TMEM259: variants seen among roughly 807,000 people sequenced by gnomAD.
The protein encoded by TMEM259 is transmembrane protein 259, also known as membralin.
TMEM259 carries 26 observed loss-of-function variants against 46.7 expected under a neutral mutation model. That is an observed-to-expected ratio of 0.56 (90% CI 0.41 to 0.77). TMEM259 has a LOEUF of 0.77. Ranked by LOEUF, TMEM259 falls within the 30% of genes least tolerant of loss-of-function variation. TMEM259 has a pLI of 0.00. For missense variants in TMEM259, 930 were observed against 900.5 expected (o/e 1.03, Z -0.42); for synonymous variants, 494 against 395.1 (o/e 1.25, Z -2.97).
chr19:1,011,480 C>T lies in TMEM259; in HGVS notation c.1104G>A (p.Ser368=), dbSNP rs144540744. ...CGGTGGTGGTGTCGTTGAAGAACTC[C>T]GACATGATGGCCTCCATCCCTGCAG... The part of the protein sequence containing the change: ...LALVGMEAIM[S]EFFNDTTTAF... Residue 368 remains serine (S), a synonymous_variant, in exon 9 of 11, where the codon TCG becomes TCA. Coordinates refer to ENST00000356663, the MANE Select transcript of TMEM259 (RefSeq NM_001033026.2). 1.8e-4 allele frequency: 284 copies of T among 1,550,094 alleles called. 1 individual carries two copies. The African/African-American group carries it at 3.6e-3, about 20-fold the overall frequency.
chr19:1,014,336 G>A lies in TMEM259; in HGVS notation c.363C>T (p.Arg121=), dbSNP rs768127115. 13 of 1,612,938 alleles carry A rather than the reference G, an allele frequency of 8.1e-6. No homozygotes were observed. Among genetic ancestry groups the A allele is most frequent in the African/African-American group, 1.3e-5 (1 of 74,944 alleles). Residue 121 remains arginine (R), a synonymous_variant, in exon 2 of 11, where the codon CGC becomes CGT. Coordinates refer to ENST00000356663, the MANE Select transcript of TMEM259 (RefSeq NM_001033026.2). The stretch of plus-strand genomic sequence containing the variant: ...CACAGAACTGTAGGAAGACGGGCGC[G>A]CGGCTCGAGTTGTGCCGCACTTCCA... ...LRVEVRHNSS[R]APVFLQFCDS...
rs116349199 is a variant in TMEM259, at chr19:1,012,566, C to T, written c.615G>A (p.Pro205=). 107 of 1,581,864 alleles carry T rather than the reference C, an allele frequency of 6.8e-5. 1 individual carries two copies. The East Asian group carries it at 1.3e-3, about 19-fold the overall frequency. ...PFPETPTKVW[P]QDEYIVEYSL... ...AGTACTCCACGATGTACTCGTCCTG[C>T]GGCCACACTGCAGGGCAGAACCAGG... Residue 205 remains proline, a synonymous_variant, in exon 4 of 11, where the codon CCG becomes CCA. Transcript: ENST00000356663.
rs760478869 is a variant in TMEM259 at position 1,011,102 on chromosome 19, G to T, written c.1311C>A (p.Phe437Leu). Residue 437 changes from phenylalanine (F) to leucine (L), a missense_variant, in exon 10 of 11, where the codon TTC becomes TTA. Physicochemically the swap from Phe to Leu is conservative, Grantham distance 22. Coordinates refer to ENST00000356663, the MANE Select transcript of TMEM259 (RefSeq NM_001033026.2). ...SSLALVTSWLFIQHSMIYFFH... is the reference protein window; with the variant it reads ...SSLALVTSWLLIQHSMIYFFH... Reference sequence around the variant, plus strand: ...CTTGCCGCCCAGGCCTCACCTGGATGAAGAGCCAGGAGGTGACCAGGGCCA... The same window carrying T: ...CTTGCCGCCCAGGCCTCACCTGGATTAAGAGCCAGGAGGTGACCAGGGCCA... 1.9e-6 allele frequency: 3 copies of T among 1,591,094 alleles called. 1 individual carries two copies. The South Asian group carries it at 3.4e-5, about 18-fold the overall frequency.
intron 1 of TMEM259, chr19:1,017,478 G>C (rs1165498091): frequency 7.5e-6 from 3 of 398,842 alleles, no homozygotes; most frequent in Non-Finnish European, 1.3e-5. Context: ...CATCCCACTG[G>C]CTGTGGCTCA....
In TMEM259 at chr19:1,014,447, G is replaced by A; in HGVS notation, c.252C>T (p.Ala84=). ...LKALFVLFVL[A]YIHIVFSRSP... is the part of the protein sequence containing the mutation. ...AGCGGGAGAAGACGATGTGGATGTA[G>A]GCCAGGACGAAGAGCACAAACAGGG... is the stretch of plus-strand genomic sequence containing the variant. The change falls in exon 2 of 11, where the codon GCC becomes GCT. Residue 84 remains alanine (A), a synonymous_variant. Transcript: ENST00000356663. The A allele has an allele frequency of 6.2e-7, 1 of 1,611,132 alleles. No homozygotes were observed. The highest frequency in any genetic ancestry group is 8.5e-7 in the Non-Finnish European group (1 of 1,179,528).
Position 1,010,899 on chromosome 19 carries a change from C to T in TMEM259, c.1318-4G>A, listed in dbSNP as rs766014308. 1.1e-5 allele frequency: 13 copies of T among 1,230,110 alleles called. No individual in the cohort carries two copies. Among genetic ancestry groups the T allele is most frequent in the East Asian group, 5.0e-5 (2 of 40,274 alleles). The allele number at this position is 1,230,110 out of a possible 1,614,324, so 76.2% of individuals were successfully genotyped here. On this transcript the variant is annotated splice_region_variant and splice_polypyrimidine_tract_variant and intron_variant, in intron 10 of 10. Transcript: ENST00000356663. ...GGAAGAAGTAGATCATGGAATGCTG[C>T]GGGAGGGAGAGTGGGAGTCAGGACG...
intron 1 of TMEM259, among the ~76,000 whole-genome samples, chr19:1,019,016 C>A (rs1482647863): frequency 2.6e-5 from 4 of 151,426 alleles, no homozygotes; most frequent in African/African-American, 9.7e-5. Context: ...ATTCACCACC[C>A]AGAGATCTCA....
chr19:1,020,547 G>C lies in TMEM259; in HGVS notation c.225+225C>G, dbSNP rs1319294703. Among the ~76,000 whole-genome samples the C allele has an allele frequency of 6.6e-6, 1 of 152,148 alleles. No individual in the cohort carries two copies. Among genetic ancestry groups the C allele is most frequent in the Non-Finnish European group, 1.5e-5 (1 of 68,018 alleles). On this transcript the variant is annotated intron_variant, in intron 1 of 10. Coordinates refer to ENST00000356663, the MANE Select transcript of TMEM259 (RefSeq NM_001033026.2). This position sits in a 1 kb window ranked among gnomAD's most constrained non-coding sequence, Gnocchi z 4.0. ...GTGCAGCGGGATCCGGCCTTCCCGGGTGGACGTCCCCGGGCGGGATGGGGT... is the reference window on the plus strand; with the variant it reads ...GTGCAGCGGGATCCGGCCTTCCCGGCTGGACGTCCCCGGGCGGGATGGGGT...
chr19:1,017,344 C>T, intron 1 of TMEM259: 1 of 399,424 alleles, frequency 2.5e-6, no homozygotes. Flanking sequence ...ACTCGCATGC[C>T]CTGGGTGGTC....
chr19:1,010,673 C>G lies in TMEM259; in HGVS notation c.1540G>C (p.Gly514Arg). The G allele has an allele frequency of 6.5e-7, 1 of 1,534,502 alleles. No individual in the cohort carries two copies. The highest frequency in any genetic ancestry group is 8.7e-7 in the Non-Finnish European group (1 of 1,145,796). ...GAGCTGGGCGCCGCTGCCACAGGCCCGGGACTCCCGCTGGCCCCAGGCGAG... is the reference window on the plus strand; with the variant it reads ...GAGCTGGGCGCCGCTGCCACAGGCCGGGGACTCCCGCTGGCCCCAGGCGAG... ...PVSPGASGSP[G>R]PVAAAPSSLV... Residue 514 changes from glycine (G) to arginine (R), a missense_variant, in exon 11 of 11, where the codon GGG becomes CGG. Transcript: ENST00000356663.
chr19:1,014,000 C>A (rs1297187773), intron 2 of TMEM259, among the ~76,000 whole-genome samples, 192 bp downstream of exon 2: 3 of 152,206 alleles, frequency 2.0e-5, no homozygotes, highest in Admixed American at 6.5e-5. Context: ...AGCAGGGCGA[C>A]AGGCCGAGGG....
At position 1,010,202 on chromosome 19, in the gene TMEM259, C is replaced by A; in HGVS notation, c.*148G>T. The stretch of plus-strand genomic sequence containing the variant: ...CTCACACCAGGGGGAGGAAAGCCGC[C>A]TTCCGGGCAAACCCCACGAAACCCT... On this transcript the variant is annotated 3_prime_UTR_variant, in exon 11 of 11. Coordinates refer to ENST00000356663, the MANE Select transcript of TMEM259 (RefSeq NM_001033026.2). 2 of 767,580 alleles carry A rather than the reference C, an allele frequency of 2.6e-6. No individual in the cohort carries two copies. The highest frequency in any genetic ancestry group is 3.9e-6 in the Non-Finnish European group (2 of 518,322). 47.5% of individuals were successfully genotyped at this position (767,580 alleles called of 1,614,324 possible). A position where few individuals can be genotyped will look rare whatever the true frequency, so the allele number is the denominator to read the frequency against.
At position 1,021,097 on chromosome 19, in the gene TMEM259, G is replaced by C; in HGVS notation, c.-101C>G. 8.5e-7 allele frequency: 1 copy of C among 1,175,692 alleles called. No homozygotes were observed. Among genetic ancestry groups the C allele is most frequent in the Non-Finnish European group, 1.1e-6 (1 of 934,748 alleles). The allele number at this position is 1,175,692 out of a possible 1,614,324, so 72.8% of individuals were successfully genotyped here. On this transcript the variant is annotated 5_prime_UTR_variant, in exon 1 of 11. Coordinates refer to ENST00000356663, the MANE Select transcript of TMEM259 (RefSeq NM_001033026.2). The stretch of plus-strand genomic sequence containing the variant: ...CCGCCGCTCTCCTCACGGCCTCCCG[G>C]CCGCCGCCGCCATCTTCCGCTTTCT...
chr19:1,019,324 C>G (rs956516779), intron 1 of TMEM259, among the ~76,000 whole-genome samples: 3 of 152,228 alleles, frequency 2.0e-5, no homozygotes, highest in Non-Finnish European at 2.9e-5. Context: ...CACAGTGGCT[C>G]CATCCTGTTC....
intron 1 of TMEM259, among the ~76,000 whole-genome samples, chr19:1,019,494 G>T (rs2039217436): frequency 6.6e-6 from 1 of 152,208 alleles, no homozygotes; most frequent in South Asian, 2.1e-4. Context: ...GCCACTCTGG[G>T]GGGCTGCAGG....
chr19:1,014,424 C>A lies in TMEM259; in HGVS notation c.275G>T (p.Arg92Leu). 6.2e-7 allele frequency: 1 copy of A among 1,612,134 alleles called. No individual in the cohort carries two copies. The highest frequency in any genetic ancestry group is 1.8e-4 in the Middle Eastern group (1 of 5,498). ...VLAYIHIVFS[R>L]SPINCLEHVR... ...ATGCTCCAGGCAGTTGATGGGCGAG[C>A]GGGAGAAGACGATGTGGATGTAGGC... The change falls in exon 2 of 11, where the codon CGC becomes CTC. Residue 92 changes from arginine (R) to leucine (L), a missense_variant. Transcript: ENST00000356663.
intron 1 of TMEM259, among the ~76,000 whole-genome samples, 178 bp from the exon 2 acceptor site, chr19:1,014,651 C>T (rs955786872): frequency 3.9e-5 from 6 of 152,164 alleles, no homozygotes; most frequent in Admixed American, 1.3e-4. Flanking sequence ...CTGACTGCAC[C>T]GGGCCAGCCC....
At chr19:1,013,746 A>G in intron 2 of TMEM259, 1 of 279,906 alleles carries the variant, frequency 3.6e-6, no homozygotes, top group Non-Finnish European at 6.9e-6. Context: ...ACCTGGTCCC[A>G]CCAGTGCCCA....
At position 1,011,616 on chromosome 19, in the gene TMEM259, C is replaced by A; in HGVS notation, c.1048G>T (p.Ala350Ser). Residue 350 changes from alanine to serine, a missense_variant, in exon 8 of 11, where the codon GCA (alanine) becomes TCA (serine). Transcript: ENST00000356663. ...LEMNMAIAFP[A>S]APLLTVILAL... ...AGGATGACGGTCAGCAGGGGCGCTG[C>A]GGGGAAGGCGATGGCCATGTTCATC... 3 of 1,546,126 alleles carry A rather than the reference C, an allele frequency of 1.9e-6. No individual in the cohort carries two copies. The highest frequency in any genetic ancestry group is 2.4e-5 in the East Asian group (1 of 40,824).
Sources: allele counts gnomAD v4.1 joint callset (sites outside exome capture counted in the v4.1 genomes callset), GRCh38; gene constraint gnomAD v4.1.1; non-coding constraint Gnocchi (gnomAD v3.1); transcripts MANE v1.5; gene names NCBI Gene and HGNC (gene_info 2026-07-23, HGNC 2026-07-21).